The following PHF24 variants were observed in gnomAD, a reference collection of about 807,000 sequenced individuals.
The protein encoded by PHF24 is Galpha inhibitory interacting protein.
PHF24 carries 25 observed loss-of-function variants against 42.6 expected under a neutral mutation model. The ratio of observed to expected loss-of-function variants is 0.59; its 90% confidence interval spans 0.43 to 0.82. The LOEUF is 0.82. Ranked by LOEUF, PHF24 falls within the 40% of genes least tolerant of loss-of-function variation. The pLI, the probability that PHF24 is intolerant of heterozygous loss-of-function variation, is 0.00. For missense variants in PHF24, 470 were observed against 538.1 expected (o/e 0.87, Z 1.25); for synonymous variants, 185 against 204.8 (o/e 0.90, Z 0.83).
chr9:34,772,369 A>C, the PHF24 span, among the ~76,000 whole-genome samples: 1 of 152,212 alleles, frequency 6.6e-6, no homozygotes, highest in Non-Finnish European at 1.5e-5. Flanking sequence ...ATTACCTAGT[A>C]TGTTCATCAA....
the PHF24 span, among the ~76,000 whole-genome samples, chr9:34,928,966 A>G: frequency 6.6e-6 from 1 of 152,264 alleles, no homozygotes; most frequent in East Asian, 1.9e-4. Context: ...GCTTCTAGAT[A>G]CAGACCACTG....
the PHF24 span, among the ~76,000 whole-genome samples, chr9:34,871,663 A>G: frequency 6.6e-6 from 1 of 152,264 alleles, no homozygotes; most frequent in African/African-American, 2.4e-5. Context: ...ATTGATGTTC[A>G]GTTGTTCCAG....
At chr9:34,686,328 G>T in the PHF24 span, among the ~76,000 whole-genome samples, 1 of 152,104 alleles carries the variant, frequency 6.6e-6, no homozygotes, top group African/African-American at 2.4e-5. Flanking sequence ...AATATGAGAT[G>T]ATCAAAACCG....
chr9:34,837,786 C>T, the PHF24 span: 1 of 867,960 alleles, frequency 1.2e-6, no homozygotes, highest in Non-Finnish European at 1.9e-6. Flanking sequence ...ATTTTCCACT[C>T]CCTTTCTATA....
chr9:34,774,311 C>G, the PHF24 span, among the ~76,000 whole-genome samples: 2 of 152,068 alleles, frequency 1.3e-5, no homozygotes, highest in Admixed American at 1.3e-4. Context: ...AAAAGTCAAC[C>G]CACAGAATGG....
chr9:34,862,869 C>G, the PHF24 span, among the ~76,000 whole-genome samples: 1 of 151,934 alleles, frequency 6.6e-6, no homozygotes. Flanking sequence ...GGCCTTGGTT[C>G]TTAGATGGCA....
the PHF24 span, among the ~76,000 whole-genome samples, chr9:34,765,776 A>G: frequency 1.3e-5 from 2 of 152,106 alleles, no homozygotes; most frequent in Non-Finnish European, 2.9e-5. Flanking sequence ...TCGTTAGTTG[A>G]TGCAGTTTCT....
the PHF24 span, among the ~76,000 whole-genome samples, chr9:34,886,719 T>A: frequency 4.7e-5 from 7 of 150,196 alleles, no homozygotes; most frequent in Non-Finnish European, 1.0e-4. Context: ...CGTGGTCATA[T>A]CTAGTCTCAT....
chr9:34,679,671 C>T, the PHF24 span, among the ~76,000 whole-genome samples: 1 of 152,144 alleles, frequency 6.6e-6, no homozygotes, highest in Non-Finnish European at 1.5e-5. Flanking sequence ...GCCGAGATCG[C>T]GGCTCTGCAC....
chr9:34,794,189 A>T, the PHF24 span, among the ~76,000 whole-genome samples: 6 of 152,138 alleles, frequency 3.9e-5, no homozygotes, highest in African/African-American at 1.2e-4. Context: ...CCACTGCCCA[A>T]ATCCCATACT....
the PHF24 span, among the ~76,000 whole-genome samples, chr9:34,928,242 C>A: frequency 4.7e-5 from 7 of 148,188 alleles, no homozygotes; most frequent in Non-Finnish European, 9.0e-5. Context: ...AAAATCTACT[C>A]TTTGACGGCA....
chr9:34,794,532 G>T, the PHF24 span, among the ~76,000 whole-genome samples: 1 of 152,118 alleles, frequency 6.6e-6, no homozygotes, highest in African/African-American at 2.4e-5. Flanking sequence ...ATCTGAGAGA[G>T]AATTAAGGCA....
the PHF24 span, among the ~76,000 whole-genome samples, chr9:34,857,719 A>T: frequency 6.6e-6 from 1 of 152,198 alleles, no homozygotes; most frequent in Non-Finnish European, 1.5e-5. Context: ...AGAGCCATAG[A>T]TGCAGCTGCT....
At chr9:34,739,653 C>G in the PHF24 span, among the ~76,000 whole-genome samples, 1 of 152,274 alleles carries the variant, frequency 6.6e-6, no homozygotes, top group East Asian at 1.9e-4. Flanking sequence ...AGGAGTGAAG[C>G]TGCAGACCTT....
chr9:34,896,688 G>A, the PHF24 span, among the ~76,000 whole-genome samples: 1 of 151,714 alleles, frequency 6.6e-6, no homozygotes, highest in Non-Finnish European at 1.5e-5. Flanking sequence ...AGGCAGAGCA[G>A]GATTTTTCCT....
At chr9:34,788,234 G>C in the PHF24 span, among the ~76,000 whole-genome samples, 341 of 152,200 alleles carry the variant, frequency 2.2e-3, 1 homozygote, top group African/African-American at 7.3e-3. Context: ...GTAGAGACAA[G>C]GTCTTGCTAT....
At chr9:34,957,389 A>G (rs1056683480), upstream of PHF24, among the ~76,000 whole-genome samples, 45 of 152,138 alleles carry the variant, frequency 3.0e-4, no homozygotes, top group African/African-American at 1.1e-3. Flanking sequence ...CATATCTTCA[A>G]TTTTTCCTTA....
At chr9:34,855,207 T>G in the PHF24 span, among the ~76,000 whole-genome samples, 1 of 152,216 alleles carries the variant, frequency 6.6e-6, no homozygotes, top group African/African-American at 2.4e-5. Context: ...AGCATACCAA[T>G]GGGGCTTGGC....
At chr9:34,726,802 A>G in the PHF24 span, 2 of 1,551,772 alleles carry the variant, frequency 1.3e-6, no homozygotes, top group Non-Finnish European at 1.7e-6. Flanking sequence ...CTAAAGACAT[A>G]CTAGACGTAG....
Sources: allele counts gnomAD v4.1 joint callset (sites outside exome capture counted in the v4.1 genomes callset), GRCh38; gene constraint gnomAD v4.1.1; transcripts MANE v1.5; gene names NCBI Gene and HGNC (gene_info 2026-07-23, HGNC 2026-07-21).